Variants in FAM81A observed in about 807,000 individuals in gnomAD.
The protein encoded by FAM81A is family with sequence similarity 81 member A.
Under a neutral mutation model 46.7 loss-of-function variants are expected in FAM81A, and 19 were observed. That is an observed-to-expected ratio of 0.41 (90% CI 0.28 to 0.60). The LOEUF is 0.60. Ranked by LOEUF, FAM81A falls within the 20% of genes least tolerant of loss-of-function variation. FAM81A has a pLI of 0.34. For missense variants in FAM81A, 377 were observed against 453.5 expected (o/e 0.83, Z 1.53); for synonymous variants, 183 against 152.9 (o/e 1.20, Z -1.45).
intron 3 of FAM81A, among the ~76,000 whole-genome samples, chr15:59,467,799 A>G (rs1013429706): frequency 5.3e-5 from 8 of 152,156 alleles, no homozygotes; most frequent in African/African-American, 1.7e-4. Context: ...TTTTCAAAGG[A>G]AATCCTTCCA....
chr15:59,469,338 G>A (rs1316116302), intron 3 of FAM81A, among the ~76,000 whole-genome samples: 1 of 152,066 alleles, frequency 6.6e-6, no homozygotes, highest in African/African-American at 2.4e-5. Flanking sequence ...TTATTGTATG[G>A]GAGTCTAAGT....
chr15:59,442,664 C>T (rs1317050899), intron 1 of FAM81A, among the ~76,000 whole-genome samples: 2 of 150,682 alleles, frequency 1.3e-5, no homozygotes, highest in Non-Finnish European at 3.0e-5. Flanking sequence ...AAAGAAAAGT[C>T]GCAATAATTA....
intron 5 of FAM81A, 102 bp downstream of exon 5, chr15:59,507,444 C>G (rs16941452): frequency 0.029 from 41,203 of 1,436,120 alleles, 756 homozygotes; most frequent in Middle Eastern, 0.07. Context: ...GCTGGGGCAT[C>G]TAGCATGGGT....
chr15:59,443,429 C>G (rs929826395), intron 1 of FAM81A, among the ~76,000 whole-genome samples: 1 of 152,176 alleles, frequency 6.6e-6, no homozygotes, highest in East Asian at 1.9e-4. Flanking sequence ...GGATCCAGTC[C>G]AGGATGTGTT....
intron 2 of FAM81A, among the ~76,000 whole-genome samples, chr15:59,411,623 A>T (rs1281644449): frequency 6.6e-6 from 1 of 152,160 alleles, no homozygotes; most frequent in Non-Finnish European, 1.5e-5. Flanking sequence ...GAGGAAGAAA[A>T]TACTTTAATT....
At chr15:59,473,557 G>T (rs2081725530) in intron 3 of FAM81A, among the ~76,000 whole-genome samples, 1 of 152,092 alleles carries the variant, frequency 6.6e-6, no homozygotes, top group South Asian at 2.1e-4. Flanking sequence ...AGAAAATACT[G>T]TTACTTCCCC....
intron 2 of FAM81A, chr15:59,408,028 G>C (rs2081104242): frequency 1.8e-5 from 3 of 166,438 alleles, no homozygotes; most frequent in South Asian, 3.0e-4. Context: ...TGGGTGTGCT[G>C]TCCAATGCCA....
chr15:59,409,245 C>A (rs2081109914), intron 2 of FAM81A, among the ~76,000 whole-genome samples: 1 of 152,102 alleles, frequency 6.6e-6, no homozygotes, highest in Admixed American at 6.6e-5. Context: ...GACACTGGGG[C>A]TCTCACTCTC....
intron 1 of FAM81A, among the ~76,000 whole-genome samples, chr15:59,441,344 G>A (rs117244162): frequency 0.019 from 2,934 of 152,336 alleles, 40 homozygotes; most frequent in Non-Finnish European, 0.03. Flanking sequence ...TTTTATATCT[G>A]CACTGTTCCG....
intron 2 of FAM81A, among the ~76,000 whole-genome samples, chr15:59,416,332 G>A (rs28472917): frequency 3.4e-4 from 52 of 152,334 alleles, no homozygotes; most frequent in African/African-American, 1.2e-3. Flanking sequence ...CATTTGTCTC[G>A]CCAAAGGATG....
At chr15:59,440,431 A>C (rs2081285045) in intron 1 of FAM81A, among the ~76,000 whole-genome samples, 1 of 152,076 alleles carries the variant, frequency 6.6e-6, no homozygotes, top group Non-Finnish European at 1.5e-5. Flanking sequence ...TGATGCCCCA[A>C]AAAAGGGATA....
chr15:59,473,682 C>G (rs2081727897), intron 3 of FAM81A, among the ~76,000 whole-genome samples: 1 of 152,088 alleles, frequency 6.6e-6, no homozygotes, highest in Non-Finnish European at 1.5e-5. Flanking sequence ...CCGTCCCCTC[C>G]AGGTAAAAGC....
chr15:59,413,417 A>AACAC (rs535000983), intron 2 of FAM81A, among the ~76,000 whole-genome samples: 6,529 of 134,422 alleles, frequency 0.049, 239 homozygotes, highest in Admixed American at 0.14. Context: ...GAGAGCATTA[A>AACAC]ACACACACAC....
chr15:59,463,295 A>G (rs2081574731), intron 3 of FAM81A, among the ~76,000 whole-genome samples: 2 of 152,186 alleles, frequency 1.3e-5, no homozygotes, highest in African/African-American at 2.4e-5. Context: ...AACATAAAAT[A>G]TAACGGTTTA....
intron 4 of FAM81A, among the ~76,000 whole-genome samples, chr15:59,506,104 G>C (rs1209766985): frequency 2.0e-5 from 3 of 152,054 alleles, no homozygotes; most frequent in African/African-American, 4.8e-5. Context: ...TTCTCCCTCA[G>C]TCCACCTGGT....
rs931560072 is a variant in FAM81A, at chr15:59,514,272, C to G, written c.651-17C>G. ...AATAAACTGTTTTACATCTAACTTGCAATTTTTTTTTTTTAGATTTAAAGG... is the reference window on the plus strand; with the variant it reads ...AATAAACTGTTTTACATCTAACTTGGAATTTTTTTTTTTTAGATTTAAAGG... On this transcript the variant is annotated splice_polypyrimidine_tract_variant and intron_variant, in intron 6 of 8. Transcript: ENST00000288228. The G allele has an allele frequency of 1.9e-6, 3 of 1,544,288 alleles. No homozygotes were observed. The highest frequency in any genetic ancestry group is 1.7e-6 in the Non-Finnish European group (2 of 1,147,326).
At position 59,492,299 on chromosome 15, in the gene FAM81A, A is replaced by C. The variant is rs1304559592; in HGVS notation, c.323A>C (p.Asp108Ala). The C allele has an allele frequency of 6.2e-7, 1 of 1,613,582 alleles. No homozygotes were observed. The highest frequency in any genetic ancestry group is 8.5e-7 in the Non-Finnish European group (1 of 1,179,740). Residue 108 changes from aspartate to alanine, a missense_variant, in exon 4 of 9, where the codon GAC becomes GCC. Transcript: ENST00000288228. ...EVLQEQIRAR[D>A]NISYGTNSAL... is the part of the protein sequence containing the mutation. ...CTCCAGGAGCAGATTCGTGCCCGGG[A>C]CAACATTAGCTATGGAACTAATTCT... is the stretch of plus-strand genomic sequence containing the variant.
chr15:59,456,448 A>G (rs913266703), intron 1 of FAM81A, among the ~76,000 whole-genome samples: 5 of 152,124 alleles, frequency 3.3e-5, no homozygotes, highest in Admixed American at 6.5e-5. Context: ...TCCATCCCCT[A>G]TTTTGGGAAA....
upstream of FAM81A, among the ~76,000 whole-genome samples, chr15:59,437,488 T>G (rs1240179607): frequency 2.0e-5 from 3 of 151,790 alleles, no homozygotes; most frequent in African/African-American, 7.3e-5. Flanking sequence ...TGGGAGGGGA[T>G]GAAGCTGACG....
Sources: gnomAD v4.1 joint callset for allele counts (sites outside exome capture counted in the v4.1 genomes callset) on GRCh38, gnomAD v4.1.1 for gene constraint, MANE v1.5 for transcripts, NCBI Gene and HGNC (gene_info 2026-07-23, HGNC 2026-07-21) for gene names.